The following PDZD8 variants were observed in gnomAD, a reference collection of about 807,000 sequenced individuals.
PDZD8 encodes the protein PDZ domain-containing protein 8.
PDZD8 carries 14 observed loss-of-function variants against 85.8 expected under a neutral mutation model. The observed-to-expected ratio is 0.16, with a 90% CI of 0.11 to 0.26. PDZD8 has a LOEUF of 0.26. Ranked by LOEUF, PDZD8 falls within the 10% of genes least tolerant of loss-of-function variation. The pLI is 1.00. For missense variants in PDZD8, 1,197 were observed against 1,424.3 expected (o/e 0.84, Z 2.57); for synonymous variants, 592 against 568.6 (o/e 1.04, Z -0.59).
chr10:117,313,307 T>A (rs570973132), intron 3 of PDZD8, among the ~76,000 whole-genome samples: 2 of 152,288 alleles, frequency 1.3e-5, no homozygotes, highest in East Asian at 3.9e-4. Flanking sequence ...ATGTAAAATA[T>A]CTCATTGATT....
intron 1 of PDZD8, among the ~76,000 whole-genome samples, chr10:117,351,203 A>C (rs931573569): frequency 6.6e-6 from 1 of 152,194 alleles, no homozygotes; most frequent in Admixed American, 6.5e-5. Flanking sequence ...AAATGTGCAC[A>C]AATGTTCACC....
intron 3 of PDZD8, among the ~76,000 whole-genome samples, chr10:117,300,783 C>G (rs1393273511): frequency 6.6e-6 from 1 of 152,124 alleles, no homozygotes; most frequent in Non-Finnish European, 1.5e-5. Context: ...AGAGAACACC[C>G]TTATCCCTTC....
chr10:117,318,022 T>A (rs1408222411), intron 3 of PDZD8, among the ~76,000 whole-genome samples: 1 of 152,186 alleles, frequency 6.6e-6, no homozygotes, highest in Non-Finnish European at 1.5e-5. Context: ...CAACAGTTAA[T>A]ACATAAATAA....
intron 1 of PDZD8, among the ~76,000 whole-genome samples, chr10:117,363,980 T>C (rs1265844237): frequency 1.3e-5 from 2 of 152,142 alleles, no homozygotes; most frequent in Non-Finnish European, 2.9e-5. Flanking sequence ...TAATCTACAG[T>C]TTATCAATAT....
At chr10:117,338,884 A>T (rs1237714595) in intron 2 of PDZD8, among the ~76,000 whole-genome samples, 1 of 152,220 alleles carries the variant, frequency 6.6e-6, no homozygotes, top group Non-Finnish European at 1.5e-5. Context: ...TAGTGGTTAA[A>T]TAGCTACAAG....
Position 117,277,319 on chromosome 10 carries a change from C to CA in PDZD8, c.*5948dup. 1 of 1,128,492 alleles carries CA rather than the reference C, an allele frequency of 8.9e-7. No homozygotes were observed. 69.9% of individuals were successfully genotyped at this position (1,128,492 alleles called of 1,614,324 possible). On this transcript the variant is annotated 3_prime_UTR_variant, in exon 5 of 5. Transcript: ENST00000334464. ...GTTTAATTGTATAAAACAGTGTTTC[C>CA]AGTGACACAACTCATCCAGAACTGT...
At chr10:117,320,192 G>T (rs986699369) in intron 2 of PDZD8, among the ~76,000 whole-genome samples, 1 of 151,990 alleles carries the variant, frequency 6.6e-6, no homozygotes, top group Non-Finnish European at 1.5e-5. Flanking sequence ...ATACATACAG[G>T]ATTCTTAAAC....
intron 1 of PDZD8, among the ~76,000 whole-genome samples, chr10:117,359,972 G>A (rs371857101): frequency 4.0e-5 from 6 of 150,724 alleles, no homozygotes; most frequent in Non-Finnish European, 8.9e-5. Context: ...ATAAGAACAA[G>A]GATAACAAAT....
intron 1 of PDZD8, among the ~76,000 whole-genome samples, chr10:117,366,443 T>C (rs1031290934): frequency 6.6e-6 from 1 of 152,126 alleles, no homozygotes; most frequent in African/African-American, 2.4e-5. Context: ...ACATTGTAAC[T>C]GTTGAGGGGG....
At chr10:117,307,397 T>C (rs566617982) in intron 3 of PDZD8, among the ~76,000 whole-genome samples, 1 of 152,156 alleles carries the variant, frequency 6.6e-6, no homozygotes, top group South Asian at 2.1e-4. Context: ...ATACTTCCTT[T>C]TGCTTAATGG....
At position 117,278,182 on chromosome 10, in the gene PDZD8, T is replaced by A. The variant is rs1844526848; in HGVS notation, c.*5086A>T. The A allele has an allele frequency of 6.6e-6, 1 of 152,230 alleles. No individual in the cohort carries two copies. Among genetic ancestry groups the A allele is most frequent in the Non-Finnish European group, 1.5e-5 (1 of 68,036 alleles). 9.4% of individuals were successfully genotyped at this position (152,230 alleles called of 1,614,324 possible). On this transcript the variant is annotated 3_prime_UTR_variant, in exon 5 of 5. Transcript: ENST00000334464. The stretch of plus-strand genomic sequence containing the variant: ...GAAAACAGCTGCTCTGACTTTAATA[T>A]CTGACTATATCTTTGATCTGTTTGC...
At chr10:117,346,367 C>T (rs1844709663) in intron 1 of PDZD8, among the ~76,000 whole-genome samples, 1 of 151,986 alleles carries the variant, frequency 6.6e-6, no homozygotes, top group South Asian at 2.1e-4. Context: ...CCCCCAACCA[C>T]CTGATTGAAT....
chr10:117,357,491 C>T (rs886748483), intron 1 of PDZD8, among the ~76,000 whole-genome samples: 6 of 151,926 alleles, frequency 3.9e-5, no homozygotes, highest in Admixed American at 2.6e-4. Flanking sequence ...AGGGGCCAGG[C>T]GCAGTGGCTC....
intron 3 of PDZD8, among the ~76,000 whole-genome samples, chr10:117,312,602 T>A (rs1000414101): frequency 5.3e-5 from 8 of 152,214 alleles, no homozygotes; most frequent in Admixed American, 5.2e-4. Flanking sequence ...TCTTTTAGCG[T>A]GAATCATCTG....
chr10:117,278,102 C>G lies in PDZD8; in HGVS notation c.*5166G>C, dbSNP rs932852417. ...CCTTATACTGTCAAGGTTGTTTAAA[C>G]ATGATAAGGTTAATCGCCATCTACT... is the stretch of plus-strand genomic sequence containing the variant. On this transcript the variant is annotated 3_prime_UTR_variant, in exon 5 of 5. Transcript: ENST00000334464. 14 of 152,124 alleles carry G rather than the reference C, an allele frequency of 9.2e-5. No individual in the cohort carries two copies. The highest frequency in any genetic ancestry group is 3.4e-4 in the African/African-American group (14 of 41,434). The allele number at this position is 152,124 out of a possible 1,614,324, so 9.4% of individuals were successfully genotyped here. A position where few individuals can be genotyped will look rare whatever the true frequency, so the allele number is the denominator to read the frequency against.
At chr10:117,373,604 C>CAAAAAAAAAAAA (rs796930758) in intron 1 of PDZD8, among the ~76,000 whole-genome samples, 1 of 52,428 alleles carries the variant, frequency 1.9e-5, no homozygotes, top group African/African-American at 6.7e-5. Flanking sequence ...CTAAAAAATA[C>CAAAAAAAAAAAA]AAAAAAAAAA....
At chr10:117,346,766 C>T (rs1844715957) in intron 1 of PDZD8, among the ~76,000 whole-genome samples, 1 of 151,896 alleles carries the variant, frequency 6.6e-6, no homozygotes, top group Non-Finnish European at 1.5e-5. Context: ...GGTTTCCTGG[C>T]AGCCTCCTGG....
intron 1 of PDZD8, among the ~76,000 whole-genome samples, chr10:117,353,723 A>G (rs1844845852): frequency 7.0e-6 from 1 of 143,534 alleles, no homozygotes; most frequent in South Asian, 2.4e-4. Context: ...GCCCTAAGTT[A>G]ATTACTGGCT....
chr10:117,344,476 C>A (rs913895078), intron 1 of PDZD8, among the ~76,000 whole-genome samples: 2 of 152,174 alleles, frequency 1.3e-5, no homozygotes, highest in Non-Finnish European at 2.9e-5. Context: ...CAAGCTCTAC[C>A]GCCTGGGTTC....
Sources: gnomAD v4.1 joint callset for allele counts (sites outside exome capture counted in the v4.1 genomes callset) on GRCh38, gnomAD v4.1.1 for gene constraint, MANE v1.5 for transcripts, NCBI Gene and HGNC (gene_info 2026-07-23, HGNC 2026-07-21) for gene names.